Variants in CEP63 observed in about 807,000 individuals in gnomAD.
The protein encoded by CEP63 is centrosomal protein 63.
CEP63 carries 84 observed loss-of-function variants against 89.1 expected under a neutral mutation model. The ratio of observed to expected loss-of-function variants is 0.94; its 90% confidence interval spans 0.79 to 1.13. The LOEUF is 1.13. Among genes scored for constraint, CEP63 ranks in the 50% most tolerant of loss-of-function variants. The pLI is 0.00. For missense variants in CEP63, 838 were observed against 813.3 expected (o/e 1.03, Z -0.37); for synonymous variants, 267 against 272.5 (o/e 0.98, Z 0.20).
chr3:134,692,573 C>T, the CEP63 span, among the ~76,000 whole-genome samples: 68 of 152,186 alleles, frequency 4.5e-4, no homozygotes, highest in African/African-American at 6.7e-4. Context: ...TGTTTACTCA[C>T]GAGAGAAAAG....
At chr3:134,757,656 TGC>T in the CEP63 span, among the ~76,000 whole-genome samples, 1 of 152,016 alleles carries the variant, frequency 6.6e-6, no homozygotes, top group Non-Finnish European at 1.5e-5. Context: ...GATGTGCACA[TGC>T]ATGTATAGGA....
At chr3:134,602,188 AG>A in the CEP63 span, among the ~76,000 whole-genome samples, 1 of 152,122 alleles carries the variant, frequency 6.6e-6, no homozygotes, top group East Asian at 1.9e-4. Flanking sequence ...GGAGTTCAGC[AG>A]GGAGCATGTC....
chr3:134,700,569 AT>A, the CEP63 span, among the ~76,000 whole-genome samples: 82 of 149,454 alleles, frequency 5.5e-4, no homozygotes, highest in Admixed American at 7.3e-4. Flanking sequence ...GTTTTTAGTT[AT>A]TTTTTTTTTA....
chr3:134,507,263 C>T lies in CEP63; in HGVS notation c.199C>T (p.Gln67Ter), dbSNP rs908534153. 2 of 1,613,044 alleles carry T rather than the reference C, an allele frequency of 1.2e-6. No individual in the cohort carries two copies. The highest frequency in any genetic ancestry group is 8.5e-7 in the Non-Finnish European group (1 of 1,179,456). Residue 67 changes from glutamine to a stop codon, truncating the protein, a stop_gained, in exon 3 of 15, where the codon CAG becomes TAG. Transcript: ENST00000675561. LOFTEE classifies it high-confidence loss of function. Reference protein sequence around the residue: ...REQELKSLRSQLDVTHKEVGM... With the variant: ...REQELKSLRS ...ACAGGAACTTAAGAGTCTTAGGAGT[C>T]AGTTGGATGTGACACATAAGGAGGT...
At chr3:134,520,019 A>G (rs1160510567) in intron 3 of CEP63, among the ~76,000 whole-genome samples, 1 of 152,196 alleles carries the variant, frequency 6.6e-6, no homozygotes, top group Non-Finnish European at 1.5e-5. Flanking sequence ...GAGATTGTGA[A>G]TGAGACAAGG....
chr3:134,736,139 C>T, the CEP63 span, among the ~76,000 whole-genome samples: 7,914 of 152,100 alleles, frequency 0.052, 685 homozygotes, highest in African/African-American at 0.18. Flanking sequence ...ACTACACTCA[C>T]AGGTTAAAGG....
In CEP63 at chr3:134,562,946, A is replaced by G. The variant is rs1171708403; in HGVS notation, c.*1411A>G. The G allele has an allele frequency of 1.3e-5, 2 of 152,240 alleles. No individual in the cohort carries two copies. The highest frequency in any genetic ancestry group is 2.9e-5 in the Non-Finnish European group (2 of 68,110). The allele number at this position is 152,240 out of a possible 1,614,324, so 9.4% of individuals were successfully genotyped here. A position where few individuals can be genotyped will look rare whatever the true frequency, so the allele number is the denominator to read the frequency against. ...TTTCCATTCCATTCTCAAGCTCTTA[A>G]TACCACCTATAGGCCAGTGACCCTT... is the stretch of plus-strand genomic sequence containing the variant. On this transcript the variant is annotated 3_prime_UTR_variant, in exon 15 of 15. Coordinates refer to ENST00000675561, the MANE Select transcript of CEP63 (RefSeq NM_001353108.3).
chr3:134,667,477 A>T, the CEP63 span, among the ~76,000 whole-genome samples: 3 of 152,318 alleles, frequency 2.0e-5, no homozygotes, highest in South Asian at 6.2e-4. Context: ...TTGTTTCCAG[A>T]AAAAGAATCA....
At chr3:134,667,841 T>C in the CEP63 span, among the ~76,000 whole-genome samples, 3 of 152,262 alleles carry the variant, frequency 2.0e-5, no homozygotes, top group East Asian at 5.8e-4. Flanking sequence ...GATCATCAAC[T>C]GGGTATGATA....
At chr3:134,767,233 T>C in the CEP63 span, among the ~76,000 whole-genome samples, 1 of 152,218 alleles carries the variant, frequency 6.6e-6, no homozygotes, top group Non-Finnish European at 1.5e-5. Context: ...CCAAGGCTGT[T>C]GACATAGACA....
At chr3:134,521,348 CAATTT>C (rs1947408492) in intron 3 of CEP63, among the ~76,000 whole-genome samples, 1 of 152,096 alleles carries the variant, frequency 6.6e-6, no homozygotes, top group African/African-American at 2.4e-5. Context: ...TATTTACTTT[CAATTT>C]AATTTTGTTT....
At chr3:134,698,229 G>A in the CEP63 span, among the ~76,000 whole-genome samples, 1 of 152,242 alleles carries the variant, frequency 6.6e-6, no homozygotes, top group Non-Finnish European at 1.5e-5. Context: ...CAGCTAGGCT[G>A]CAGTGGAGAT....
chr3:134,546,277 A>G lies in CEP63; in HGVS notation c.918A>G (p.Val306=), dbSNP rs1560004147. 3 of 1,613,348 alleles carry G rather than the reference A, an allele frequency of 1.9e-6. No individual in the cohort carries two copies. In the African/African-American group the frequency reaches 4.0e-5, roughly 22 times the overall value. The part of the protein sequence containing the change: ...KVKATNTQHA[V]EAIRPREESL... ...AGGCAACTAACACTCAACATGCTGT[A>G]GAAGCTATAAGGTAAATTTAATCTT... The change falls in exon 8 of 15, where the codon GTA becomes GTG. Residue 306 remains valine, a synonymous_variant. Transcript: ENST00000675561.
chr3:134,746,833 G>C, the CEP63 span, among the ~76,000 whole-genome samples: 1 of 151,570 alleles, frequency 6.6e-6, no homozygotes, highest in East Asian at 2.0e-4. Context: ...TTAGACCTTT[G>C]TCAGATGGGT....
At chr3:134,640,184 A>C in the CEP63 span, among the ~76,000 whole-genome samples, 1 of 145,702 alleles carries the variant, frequency 6.9e-6, no homozygotes, top group African/African-American at 2.5e-5. Context: ...CAATGAGTTC[A>C]GACTGAAATC....
At chr3:134,599,797 G>A in the CEP63 span, among the ~76,000 whole-genome samples, 2 of 152,230 alleles carry the variant, frequency 1.3e-5, no homozygotes, top group Admixed American at 6.5e-5. Context: ...TCTCACCGTC[G>A]CATTCAACTG....
chr3:134,600,888 G>C, the CEP63 span: 1 of 152,334 alleles, frequency 6.6e-6, no homozygotes, highest in East Asian at 1.9e-4. Context: ...AGGTAGCGCT[G>C]AGAAGCCACG....
chr3:134,755,129 G>C, the CEP63 span, among the ~76,000 whole-genome samples: 1 of 152,204 alleles, frequency 6.6e-6, no homozygotes, highest in Non-Finnish European at 1.5e-5. Context: ...TTGTCTCTGA[G>C]AGCTGATTTA....
intron 3 of CEP63, among the ~76,000 whole-genome samples, chr3:134,513,991 C>G (rs549585629): frequency 6.6e-6 from 1 of 152,064 alleles, no homozygotes; most frequent in East Asian, 1.9e-4. Flanking sequence ...CAACAAAGAC[C>G]AGGAGACAAG....
Sources: allele counts gnomAD v4.1 joint callset (sites outside exome capture counted in the v4.1 genomes callset), GRCh38; gene constraint gnomAD v4.1.1; transcripts MANE v1.5; gene names NCBI Gene and HGNC (gene_info 2026-07-23, HGNC 2026-07-21).